ZHX3: variants seen among roughly 807,000 people sequenced by gnomAD.
The protein encoded by ZHX3 is zinc fingers and homeoboxes 3, also known as zinc fingers and homeoboxes protein 3.
ZHX3 carries 20 observed loss-of-function variants against 64.5 expected under a neutral mutation model. The ratio of observed to expected loss-of-function variants is 0.31; its 90% CI spans 0.22 to 0.45. The LOEUF (loss-of-function observed/expected upper bound fraction) is 0.45, where lower values mean the gene tolerates loss of function less well. ZHX3 is among the 20% of genes least tolerant of loss of function. The pLI, the probability that ZHX3 is intolerant of heterozygous loss-of-function variation, is 1.00. For synonymous variants in ZHX3, 423 were observed against 461.6 expected (o/e 0.92, Z 1.07); for missense variants, 1,041 against 1,195.8 (o/e 0.87, Z 1.91).
chr20:41,296,220 A>G (rs1269875078), intron 1 of ZHX3, among the ~76,000 whole-genome samples: 1 of 127,226 alleles, frequency 7.9e-6, no homozygotes, highest in Non-Finnish European at 1.6e-5. Flanking sequence ...CCTTCTCCTC[A>G]AGTTCATAAA....
At chr20:41,235,786 G>A (rs541403075) in intron 2 of ZHX3, among the ~76,000 whole-genome samples, 2 of 152,276 alleles carry the variant, frequency 1.3e-5, no homozygotes, top group East Asian at 3.9e-4. Context: ...TCAGGCAGGA[G>A]AAGGAAATAA....
At chr20:41,240,980 T>A (rs2041344019) in intron 2 of ZHX3, among the ~76,000 whole-genome samples, 1 of 152,224 alleles carries the variant, frequency 6.6e-6, no homozygotes, top group Non-Finnish European at 1.5e-5. Context: ...TAAACATAAG[T>A]ATGCAGATAT....
chr20:41,277,713 T>C (rs186270322), intron 1 of ZHX3, among the ~76,000 whole-genome samples: 3,141 of 148,536 alleles, frequency 0.021, 153 homozygotes, highest in African/African-American at 0.074. Flanking sequence ...TGCCTCAGCC[T>C]CCTGAGTAGC....
intron 2 of ZHX3, among the ~76,000 whole-genome samples, chr20:41,233,679 T>C (rs1032931680): frequency 6.6e-6 from 1 of 152,166 alleles, no homozygotes; most frequent in Non-Finnish European, 1.5e-5. Context: ...AGGCTCTACA[T>C]GCCAAGAACA....
At chr20:41,313,831 C>T (rs2045214678) in intron 1 of ZHX3, among the ~76,000 whole-genome samples, 2 of 152,088 alleles carry the variant, frequency 1.3e-5, no homozygotes, top group Admixed American at 6.5e-5. Flanking sequence ...CTCCTGACCT[C>T]GTGATCTGCC....
chr20:41,313,887 C>T (rs1036290592), intron 1 of ZHX3, among the ~76,000 whole-genome samples: 20 of 152,162 alleles, frequency 1.3e-4, no homozygotes, highest in Admixed American at 5.9e-4. Context: ...TGAGCCACCA[C>T]GCCCAGCCTC....
At chr20:41,218,443 C>CTAAATAAA (rs60949298) in intron 2 of ZHX3, among the ~76,000 whole-genome samples, 85 of 151,712 alleles carry the variant, frequency 5.6e-4, no homozygotes, top group Middle Eastern at 6.8e-3. Flanking sequence ...GACCCTGTCT[C>CTAAATAAA]TAAATAAATA....
chr20:41,274,933 G>A (rs1177529958), intron 1 of ZHX3, among the ~76,000 whole-genome samples: 1 of 152,180 alleles, frequency 6.6e-6, no homozygotes, highest in South Asian at 2.1e-4. Context: ...AAGGCAGGTG[G>A]ATCAACTGGG....
intron 1 of ZHX3, among the ~76,000 whole-genome samples, chr20:41,282,546 G>T (rs2146696078): frequency 6.6e-6 from 1 of 152,104 alleles, no homozygotes; most frequent in East Asian, 1.9e-4. Context: ...TTTTAGTAGA[G>T]ACAGGGTTTC....
intron 1 of ZHX3, among the ~76,000 whole-genome samples, chr20:41,312,715 G>C (rs550390411): frequency 2.0e-5 from 3 of 152,288 alleles, no homozygotes; most frequent in Non-Finnish European, 2.9e-5. Context: ...AGGTCTTGAA[G>C]AGCCTGTACA....
chr20:41,220,137 T>C (rs1411770225), intron 2 of ZHX3, among the ~76,000 whole-genome samples: 7 of 152,184 alleles, frequency 4.6e-5, no homozygotes, highest in Non-Finnish European at 1.0e-4. Flanking sequence ...AGCTGAGTGT[T>C]GTAGTGGAAG....
At position 41,255,796 on chromosome 20, in the gene ZHX3, G is replaced by A. The variant is rs1465763290; in HGVS notation, c.-151+13194C>T. 1.3e-5 allele frequency among the ~76,000 whole-genome samples: 2 copies of A among 152,154 alleles called. 1 individual carries two copies. The highest frequency in any genetic ancestry group is 4.8e-5 in the African/African-American group (2 of 41,442). On this transcript the variant is annotated intron_variant, in intron 2 of 3. Coordinates refer to ENST00000683867, the MANE Select transcript of ZHX3 (RefSeq NM_001384317.1). The stretch of plus-strand genomic sequence containing the variant: ...AAGAATTTAAATTCAGGAAGGGAGA[G>A]GTGTCCATGCAGCAGAGAAGAGTTG...
chr20:41,217,113 G>C (rs2039585608), intron 2 of ZHX3, among the ~76,000 whole-genome samples: 1 of 152,070 alleles, frequency 6.6e-6, no homozygotes, highest in Non-Finnish European at 1.5e-5. Context: ...TCTACCACAG[G>C]AGGCAGTAAA....
intron 2 of ZHX3, among the ~76,000 whole-genome samples, chr20:41,248,319 C>T (rs2041814544): frequency 1.3e-5 from 2 of 151,958 alleles, no homozygotes; most frequent in African/African-American, 4.8e-5. Context: ...CCAGTTTCTC[C>T]GGTTTTTTTT....
chr20:41,211,562 C>T (rs573575518), intron 2 of ZHX3, among the ~76,000 whole-genome samples: 5 of 152,100 alleles, frequency 3.3e-5, no homozygotes, highest in African/African-American at 1.2e-4. Flanking sequence ...CTCATTTAGT[C>T]CAGATATTTT....
chr20:41,194,931 A>T (rs1296303640), intron 3 of ZHX3, among the ~76,000 whole-genome samples: 1 of 152,026 alleles, frequency 6.6e-6, no homozygotes, highest in African/African-American at 2.4e-5. Flanking sequence ...TGATGTTAGT[A>T]ATTTAAGTCT....
At chr20:41,266,057 C>T (rs569693292) in intron 2 of ZHX3, among the ~76,000 whole-genome samples, 26 of 152,124 alleles carry the variant, frequency 1.7e-4, no homozygotes, top group Admixed American at 1.0e-3. Context: ...TCATAGAGGC[C>T]GAGGTACTCT....
intron 2 of ZHX3, among the ~76,000 whole-genome samples, chr20:41,264,739 A>G (rs2042750362): frequency 6.6e-6 from 1 of 152,150 alleles, no homozygotes; most frequent in African/African-American, 2.4e-5. Context: ...AAAGAGAGAA[A>G]ACTATACACA....
chr20:41,196,599 A>G (rs1222757400), intron 3 of ZHX3: 1 of 102,348 alleles, frequency 9.8e-6, no homozygotes, highest in Non-Finnish European at 1.8e-5. Context: ...ATATATATAA[A>G]TATTTTATCA....
Sources: gnomAD v4.1 joint callset for allele counts (sites outside exome capture counted in the v4.1 genomes callset) on GRCh38, gnomAD v4.1.1 for gene constraint, MANE v1.5 for transcripts, NCBI Gene and HGNC (gene_info 2026-07-23, HGNC 2026-07-21) for gene names.